The following ADAMTSL1 variants were observed in gnomAD, a reference collection of about 807,000 sequenced individuals.
ADAMTSL1 encodes the protein ADAMTS-like protein 1.
In ADAMTSL1, 126 loss-of-function variants were observed where a neutral mutation model predicts 201.8. That is an observed-to-expected ratio of 0.62 (90% CI 0.54 to 0.72). ADAMTSL1 has a LOEUF of 0.72. Ranked by LOEUF, ADAMTSL1 falls within the 30% of genes least tolerant of loss-of-function variation. ADAMTSL1 has a pLI of 0.00. For synonymous variants in ADAMTSL1, 1,121 were observed against 903.4 expected (o/e 1.24, Z -4.32); for missense variants, 2,679 against 2,277.8 (o/e 1.18, Z -3.59).
intron 1 of ADAMTSL1, among the ~76,000 whole-genome samples, chr9:18,090,642 G>A (rs1353629954): frequency 4.6e-5 from 7 of 152,088 alleles, no homozygotes; most frequent in African/African-American, 1.4e-4. Flanking sequence ...TTTTAATTGC[G>A]GAATGTGAAA....
intron 1 of ADAMTSL1, among the ~76,000 whole-genome samples, chr9:18,489,561 C>T (rs530551894): frequency 3.3e-4 from 50 of 152,266 alleles, no homozygotes; most frequent in African/African-American, 1.1e-3. Context: ...TAAATCATTT[C>T]GTAAAAGATA....
rs1453166418 is a variant in ADAMTSL1 at position 18,579,351 on chromosome 9, G to A, written c.474+5085G>A. Among the ~76,000 whole-genome samples, 4 of 124,776 alleles carry A rather than the reference G, an allele frequency of 3.2e-5. 1 individual carries two copies. The South Asian group carries it at 1.4e-3, about 42-fold the overall frequency. The allele number at this position is 124,776 out of a possible 152,430, so 81.9% of individuals were successfully genotyped here. ...CACACGCTGGGGACTGTGGTGGGGA[G>A]GGGGGAGGGGGGAGGGATAGCATTG... is the stretch of plus-strand genomic sequence containing the variant. On this transcript the variant is annotated intron_variant, in intron 4 of 28. Transcript: ENST00000380548.
intron 20 of ADAMTSL1, among the ~76,000 whole-genome samples, chr9:18,815,711 C>CAAAAAAAAAAAAAAAAAAAA (rs35926602): frequency 1.5e-5 from 1 of 67,936 alleles, no homozygotes; most frequent in Non-Finnish European, 2.8e-5. Context: ...AACCCTGTCT[C>CAAAAAAAAAAAAAAAAAAAA]AAAAAAAAAA....
intron 19 of ADAMTSL1, chr9:18,793,147 T>C (rs1822159328): frequency 6.6e-6 from 1 of 152,224 alleles, no homozygotes; most frequent in Non-Finnish European, 1.5e-5. Context: ...ATTCAAAAAC[T>C]TCCTTTAACT....
intron 2 of ADAMTSL1, among the ~76,000 whole-genome samples, chr9:18,354,461 G>A (rs1836120291): frequency 6.6e-6 from 1 of 152,154 alleles, no homozygotes; most frequent in African/African-American, 2.4e-5. Context: ...TACGTTGGAT[G>A]TCACTTCTTT....
intron 1 of ADAMTSL1, among the ~76,000 whole-genome samples, chr9:17,943,282 G>A (rs1588454017): frequency 6.6e-6 from 1 of 152,204 alleles, no homozygotes; most frequent in Non-Finnish European, 1.5e-5. Flanking sequence ...TGTTCATAAA[G>A]AGTAGCTTAT....
intron 2 of ADAMTSL1, among the ~76,000 whole-genome samples, chr9:18,320,839 A>G (rs1227116446): frequency 6.6e-6 from 1 of 152,176 alleles, no homozygotes; most frequent in African/African-American, 2.4e-5. Context: ...ATTTGCAAAA[A>G]GATACAGTTA....
At chr9:18,013,594 G>A (rs1489259824) in intron 1 of ADAMTSL1, among the ~76,000 whole-genome samples, 1 of 152,014 alleles carries the variant, frequency 6.6e-6, no homozygotes, top group Non-Finnish European at 1.5e-5. Flanking sequence ...AAATTACTGA[G>A]CAAAAATGTA....
At chr9:18,285,424 T>C (rs1208744507) in intron 2 of ADAMTSL1, among the ~76,000 whole-genome samples, 3 of 152,072 alleles carry the variant, frequency 2.0e-5, no homozygotes, top group Non-Finnish European at 4.4e-5. Flanking sequence ...TCACAAACAT[T>C]AATAGAGTAA....
intron 1 of ADAMTSL1, among the ~76,000 whole-genome samples, chr9:18,124,770 CA>C (rs1333462526): frequency 2.0e-5 from 3 of 152,142 alleles, no homozygotes; most frequent in African/African-American, 7.2e-5. Context: ...GACTCCTTTG[CA>C]ATTCAAAAGG....
At chr9:17,913,478 C>G (rs1435677414) in intron 1 of ADAMTSL1, among the ~76,000 whole-genome samples, 1 of 151,944 alleles carries the variant, frequency 6.6e-6, no homozygotes, top group Non-Finnish European at 1.5e-5. Flanking sequence ...GGAGTTCACT[C>G]ATGAGACACA....
At chr9:18,280,595 T>C (rs957422070) in intron 2 of ADAMTSL1, among the ~76,000 whole-genome samples, 1 of 152,130 alleles carries the variant, frequency 6.6e-6, no homozygotes, top group African/African-American at 2.4e-5. Context: ...GAGAAATGAT[T>C]TTTTTGCAGA....
intron 2 of ADAMTSL1, among the ~76,000 whole-genome samples, chr9:18,217,250 C>A (rs1336346045): frequency 6.6e-6 from 1 of 152,196 alleles, no homozygotes; most frequent in African/African-American, 2.4e-5. Flanking sequence ...TATCATTATG[C>A]TGCTTATTCT....
chr9:18,265,176 A>T (rs1414875381), intron 2 of ADAMTSL1, among the ~76,000 whole-genome samples: 1 of 152,176 alleles, frequency 6.6e-6, no homozygotes, highest in African/African-American at 2.4e-5. Flanking sequence ...TAAGCTCCAG[A>T]CATACTGGCC....
In ADAMTSL1 at chr9:18,657,739, C is replaced by A. The variant is rs1211485612; in HGVS notation, c.935C>A (p.Thr312Asn). The A allele has an allele frequency of 3.7e-6, 6 of 1,613,172 alleles. No individual in the cohort carries two copies. Among genetic ancestry groups the A allele is most frequent in the Non-Finnish European group, 5.1e-6 (6 of 1,179,146 alleles). ...ACGGATTTCTTTCCTTGCTCAGCAA[C>A]CTGTGGAGGAGGTAATGGTGTTCAC... The part of the protein sequence containing the change: ...RETDFFPCSA[T>N]CGGGYQLTSA... Residue 312 changes from threonine (T) to asparagine (N), a missense_variant, in exon 8 of 29, where the codon ACC (threonine) becomes AAC (asparagine). By Grantham distance (65) the Thr-to-Asn change is moderately conservative. Transcript: ENST00000380548.
intron 1 of ADAMTSL1, among the ~76,000 whole-genome samples, chr9:18,051,442 A>G (rs561860881): frequency 1.3e-5 from 2 of 152,242 alleles, no homozygotes; most frequent in Admixed American, 1.3e-4. Context: ...TTTGTTGGAC[A>G]TTTCAGAGGC....
At chr9:18,578,864 A>G (rs915748321) in intron 4 of ADAMTSL1, among the ~76,000 whole-genome samples, 1 of 150,752 alleles carries the variant, frequency 6.6e-6, no homozygotes, top group East Asian at 2.0e-4. Flanking sequence ...AAGTGTTCCT[A>G]TTTCTCCACA....
Position 18,622,378 on chromosome 9 carries a change from C to G in ADAMTSL1, c.601+9C>G, listed in dbSNP as rs747197260. 2.5e-6 allele frequency: 4 copies of G among 1,613,896 alleles called. No homozygotes were observed. The highest frequency in any genetic ancestry group is 2.2e-5 in the East Asian group (1 of 44,870). On this transcript the variant is annotated intron_variant, in intron 5 of 28. Transcript: ENST00000380548. ...GCTCTCCGCAACCAAATGTAAGACA[C>G]ACAGAGATGGGCGACCTTTGGACTT...
At chr9:18,661,849 A>G (rs1334676827) in intron 8 of ADAMTSL1, 86 bp from the exon 9 acceptor site, 2 of 1,376,686 alleles carry the variant, frequency 1.5e-6, no homozygotes, top group Admixed American at 2.6e-5. Flanking sequence ...AATAATTTCC[A>G]TTGATGTGAG....
Sources: gnomAD v4.1 joint callset for allele counts (sites outside exome capture counted in the v4.1 genomes callset) on GRCh38, gnomAD v4.1.1 for gene constraint, MANE v1.5 for transcripts, NCBI Gene and HGNC (gene_info 2026-07-23, HGNC 2026-07-21) for gene names.